C10orf67: variants seen among roughly 807,000 people sequenced by gnomAD.
C10orf67 encodes chromosome 10 open reading frame 67.
C10orf67 carries 60 observed loss-of-function variants against 35.6 expected under a neutral mutation model. The observed-to-expected ratio is 1.68, with a 90% CI of 1.37 to 2.09. C10orf67 has a LOEUF of 2.09. Among genes scored for constraint, C10orf67 ranks in the 30% most tolerant of loss-of-function variants. The pLI is 0.00. For missense variants in C10orf67, 474 were observed against 330.2 expected (o/e 1.44, Z -3.38); for synonymous variants, 167 against 115.8 (o/e 1.44, Z -2.84).
At chr10:23,224,561 C>T (rs555617561) in intron 13 of C10orf67, among the ~76,000 whole-genome samples, 2 of 152,258 alleles carry the variant, frequency 1.3e-5, no homozygotes, top group African/African-American at 4.8e-5. Flanking sequence ...AAGAAGGCTT[C>T]AGGCGATCAA....
chr10:23,230,762 A>C (rs1841885908), intron 13 of C10orf67, among the ~76,000 whole-genome samples: 1 of 152,164 alleles, frequency 6.6e-6, no homozygotes, highest in Admixed American at 6.5e-5. Flanking sequence ...CATACACGTA[A>C]ACTCCAAAAC....
intron 15 of C10orf67, among the ~76,000 whole-genome samples, chr10:23,220,122 T>G (rs147101817): frequency 6.6e-6 from 1 of 151,950 alleles, no homozygotes; most frequent in Non-Finnish European, 1.5e-5. Flanking sequence ...CAGTGAGCTA[T>G]GACTGGACCA....
intron 8 of C10orf67, among the ~76,000 whole-genome samples, chr10:23,275,795 T>C (rs1843170913): frequency 6.6e-6 from 1 of 152,182 alleles, no homozygotes; most frequent in South Asian, 2.1e-4. Context: ...ACAAAGATGT[T>C]TGTAATACTG....
intron 1 of C10orf67, among the ~76,000 whole-genome samples, chr10:23,343,529 G>A (rs1845997733): frequency 6.6e-6 from 1 of 152,210 alleles, no homozygotes; most frequent in East Asian, 1.9e-4. Context: ...GACGGGTACT[G>A]TGTCCTAGAT....
At chr10:23,344,121 G>C (rs1846037633) in intron 1 of C10orf67, 1 of 190,402 alleles carries the variant, frequency 5.3e-6, no homozygotes, top group South Asian at 6.8e-5. Flanking sequence ...ATCCGTGGGC[G>C]GGGGCCGGGG....
In C10orf67 at chr10:23,250,622, T is replaced by C. The variant is rs988290315; in HGVS notation, c.1270A>G (p.Lys424Glu). 2 of 398,576 alleles carry C rather than the reference T, an allele frequency of 5.0e-6. No homozygotes were observed. The highest frequency in any genetic ancestry group is 8.8e-5 in the Admixed American group (2 of 22,710). 24.7% of individuals were successfully genotyped at this position (398,576 alleles called of 1,614,324 possible). Residue 424 changes from lysine to glutamate, a missense_variant, in exon 11 of 16, where the codon AAG (lysine) becomes GAG (glutamate). Physicochemically the swap from Lys to Glu is moderately conservative, Grantham distance 56 (BLOSUM62 1). Coordinates refer to ENST00000636213, the MANE Select transcript of C10orf67 (RefSeq NM_001371909.1). ...CTCTATTACCAGTACCTTTCCACCTTCTTTTTCTCATTCTCTAAATTTGCC... is the reference window on the plus strand; with the variant it reads ...CTCTATTACCAGTACCTTTCCACCTCCTTTTTCTCATTCTCTAAATTTGCC... Reference protein sequence around the residue: ...LKANLENEKKKVERFRKEADR... With the variant: ...LKANLENEKKEVERFRKEADR...
chr10:23,315,797 C>T (rs577424948), intron 4 of C10orf67, among the ~76,000 whole-genome samples: 11 of 152,060 alleles, frequency 7.2e-5, no homozygotes, highest in Admixed American at 5.9e-4. Context: ...AGAATAATAC[C>T]GGATAAGATA....
chr10:23,217,845 T>A (rs1287168677), intron 15 of C10orf67, among the ~76,000 whole-genome samples: 1 of 152,216 alleles, frequency 6.6e-6, no homozygotes, highest in Non-Finnish European at 1.5e-5. Flanking sequence ...TTTTAATAGT[T>A]ATTAGCCTAA....
intron 15 of C10orf67, among the ~76,000 whole-genome samples, chr10:23,211,909 T>C (rs1269960662): frequency 1.3e-5 from 2 of 152,168 alleles, no homozygotes; most frequent in Non-Finnish European, 2.9e-5. Context: ...TAAACATGTC[T>C]CTTGTAACGA....
intron 10 of C10orf67, among the ~76,000 whole-genome samples, chr10:23,265,918 C>A (rs1303422692): frequency 2.6e-5 from 4 of 152,176 alleles, no homozygotes; most frequent in African/African-American, 9.7e-5. Context: ...TGTGTCCTTC[C>A]CGGAATCTTC....
intron 13 of C10orf67, among the ~76,000 whole-genome samples, chr10:23,232,758 G>A (rs1841945253): frequency 6.6e-6 from 1 of 152,150 alleles, no homozygotes; most frequent in African/African-American, 2.4e-5. Flanking sequence ...TGACTTGAAA[G>A]AGAATGTCAT....
intron 12 of C10orf67, among the ~76,000 whole-genome samples, chr10:23,246,049 G>A (rs889987345): frequency 1.1e-4 from 16 of 152,222 alleles, no homozygotes; most frequent in African/African-American, 3.6e-4. Flanking sequence ...GTCCTTTGCA[G>A]CAATATGGAT....
intron 15 of C10orf67, 66 bp downstream of exon 15, chr10:23,223,532 C>T (rs1841647246): frequency 1.4e-6 from 1 of 708,888 alleles, no homozygotes; most frequent in Non-Finnish European, 2.6e-6. Flanking sequence ...AAAAGAAAAG[C>T]AAAGTTAATC....
chr10:23,344,560 T>G lies in C10orf67; in HGVS notation c.206+9A>C. The G allele has an allele frequency of 6.4e-6, 10 of 1,567,798 alleles. No individual in the cohort carries two copies. The highest frequency in any genetic ancestry group is 8.6e-6 in the Non-Finnish European group (10 of 1,157,236). On this transcript the variant is annotated intron_variant, in intron 1 of 15. Transcript: ENST00000636213. ...TTCCTCCTCTACCCAGGCGCGGAGC[T>G]CAGCCTACCTCGTGGACCCGCGCAT...
intron 10 of C10orf67, among the ~76,000 whole-genome samples, chr10:23,261,543 C>G (rs1001037661): frequency 6.6e-6 from 1 of 152,198 alleles, no homozygotes; most frequent in Non-Finnish European, 1.5e-5. Context: ...AACTCCTAGC[C>G]TCAAGTGATC....
rs138294458 is a variant in C10orf67 at position 23,243,520 on chromosome 10, C to G, written c.1347-3704G>C. 3.0e-3 allele frequency among the ~76,000 whole-genome samples: 458 copies of G among 151,550 alleles called. 14 individuals carry two copies. In the East Asian group the frequency reaches 0.05, roughly 16 times the overall value. On this transcript the variant is annotated intron_variant, in intron 12 of 15. Transcript: ENST00000636213. ...CCAACATGGAGAAATCCCGTCTCTA[C>G]TAAAAATAGAAAAAAAATTAGCCAG...
intron 2 of C10orf67, among the ~76,000 whole-genome samples, chr10:23,323,488 TA>T (rs577286219): frequency 8.7e-5 from 13 of 149,790 alleles, no homozygotes; most frequent in South Asian, 2.1e-4. Context: ...AAGAGAGATC[TA>T]AAAAAAAAAT....
intron 7 of C10orf67, among the ~76,000 whole-genome samples, chr10:23,286,970 A>G (rs1843560930): frequency 6.6e-6 from 1 of 152,218 alleles, no homozygotes; most frequent in Non-Finnish European, 1.5e-5. Context: ...ATGAGGAAAT[A>G]AGAGAGGACA....
chr10:23,272,865 TCAG>T (rs1284636146), intron 8 of C10orf67, among the ~76,000 whole-genome samples: 1 of 152,234 alleles, frequency 6.6e-6, no homozygotes, highest in African/African-American at 2.4e-5. Flanking sequence ...TTCATTTATT[TCAG>T]CAGTATTTTA....
Sources: gnomAD v4.1 joint callset for allele counts (sites outside exome capture counted in the v4.1 genomes callset) on GRCh38, gnomAD v4.1.1 for gene constraint, MANE v1.5 for transcripts, NCBI Gene and HGNC (gene_info 2026-07-23, HGNC 2026-07-21) for gene names.